C4BPA: variants seen among roughly 807,000 people sequenced by gnomAD.
C4BPA encodes the protein complement component 4 binding protein alpha, also known as C4b-binding protein alpha chain.
Under a neutral mutation model 63.7 loss-of-function variants are expected in C4BPA, and 31 were observed. The observed-to-expected ratio is 0.49, with a 90% CI of 0.37 to 0.66. C4BPA has a LOEUF of 0.66. Ranked by LOEUF, C4BPA falls within the 30% of genes least tolerant of loss-of-function variation. The pLI is 0.00. For synonymous variants in C4BPA, 259 were observed against 254.7 expected, an observed-to-expected ratio of 1.02 and a Z score of -0.16; for missense variants, 572 against 723.3, an observed-to-expected ratio of 0.79 and a Z score of 2.40.
chr1:207,115,028 A>G (rs756932406), intron 3 of C4BPA, among the ~76,000 whole-genome samples: 8 of 152,212 alleles, frequency 5.3e-5, no homozygotes, highest in Non-Finnish European at 8.8e-5. Flanking sequence ...ATGTTTTCCA[A>G]TAGCAGGGGT....
At position 207,124,290 on chromosome 1, in the gene C4BPA, G is replaced by A. The variant is rs1684985144; in HGVS notation, c.630G>A (p.Leu210=). 5.0e-6 allele frequency: 8 copies of A among 1,613,800 alleles called. No individual in the cohort carries two copies. The East Asian group carries it at 1.6e-4, about 31-fold the overall frequency. Residue 210 remains leucine, a synonymous_variant, in exon 6 of 12, where the codon TTG becomes TTA. Coordinates refer to ENST00000367070, the MANE Select transcript of C4BPA (RefSeq NM_000715.4). ...GCTGTGACCCCCGCTTCTCACTCTT[G>A]GGCCATGCCTCCATTTCTTGCACTG... ...TYSCDPRFSL[L]GHASISCTVE... is the part of the protein sequence containing the mutation.
chr1:207,127,649 C>T (rs981299663), intron 7 of C4BPA, among the ~76,000 whole-genome samples: 2 of 152,190 alleles, frequency 1.3e-5, no homozygotes, highest in Non-Finnish European at 2.9e-5. Context: ...AACCTCTCTC[C>T]TGAAGAGGTA....
At chr1:207,105,598 G>A (rs747197873) in intron 1 of C4BPA, among the ~76,000 whole-genome samples, 1 of 151,302 alleles carries the variant, frequency 6.6e-6, no homozygotes, top group Non-Finnish European at 1.5e-5. Flanking sequence ...ATTCTAGGAA[G>A]GGTGGGGAAA....
intron 2 of C4BPA, among the ~76,000 whole-genome samples, chr1:207,113,710 A>G (rs1349154428): frequency 6.6e-6 from 1 of 152,186 alleles, no homozygotes; most frequent in Non-Finnish European, 1.5e-5. Flanking sequence ...GAATACAATA[A>G]TATGTTTCTG....
chr1:207,115,930 T>C (rs2102333436), intron 4 of C4BPA, among the ~76,000 whole-genome samples: 1 of 152,350 alleles, frequency 6.6e-6, no homozygotes, highest in East Asian at 1.9e-4. Context: ...TTGCCGTCCT[T>C]GTGATGGATC....
chr1:207,139,824 C>A (rs996933964), intron 9 of C4BPA, among the ~76,000 whole-genome samples: 4 of 152,184 alleles, frequency 2.6e-5, no homozygotes, highest in Admixed American at 6.5e-5. Context: ...TCACTCCTGG[C>A]AACTGGCTTC....
intron 1 of C4BPA, among the ~76,000 whole-genome samples, chr1:207,108,792 G>A (rs373254908): frequency 7.2e-4 from 109 of 152,054 alleles, no homozygotes; most frequent in African/African-American, 2.3e-3. Context: ...GTGTGATCTC[G>A]GATCACTGTA....
At chr1:207,122,378 A>G (rs1558090947) in intron 4 of C4BPA, among the ~76,000 whole-genome samples, 1 of 152,152 alleles carries the variant, frequency 6.6e-6, no homozygotes, top group Non-Finnish European at 1.5e-5. Flanking sequence ...AGTGAATACT[A>G]CTGATCTGAA....
chr1:207,142,505 A>G (rs1033912252), intron 10 of C4BPA, among the ~76,000 whole-genome samples: 3 of 152,142 alleles, frequency 2.0e-5, no homozygotes, highest in African/African-American at 4.8e-5. Context: ...ACTGTTTTCC[A>G]CAATGGTTGA....
At chr1:207,125,147 C>T (rs1445352635) in intron 6 of C4BPA, among the ~76,000 whole-genome samples, 1 of 152,138 alleles carries the variant, frequency 6.6e-6, no homozygotes, top group Non-Finnish European at 1.5e-5. Context: ...ACGAGGGGCA[C>T]AAAAGAGCAG....
Position 207,114,209 on chromosome 1 carries a change from C to G in C4BPA, c.252C>G (p.Gly84=). 1 of 1,613,764 alleles carries G rather than the reference C, an allele frequency of 6.2e-7. No individual in the cohort carries two copies. Among genetic ancestry groups the G allele is most frequent in the Non-Finnish European group, 8.5e-7 (1 of 1,179,732 alleles). Reference sequence around the variant, plus strand: ...CTCTGAAATACACCTGCCTCCCTGGCTACGTCAGATCCCATTCAACTCAGA... The same window carrying G: ...CTCTGAAATACACCTGCCTCCCTGGGTACGTCAGATCCCATTCAACTCAGA... ...GTTLKYTCLP[G]YVRSHSTQTL... The change falls in exon 3 of 12, where the codon GGC becomes GGG. Residue 84 remains glycine (G), a synonymous_variant. Coordinates refer to ENST00000367070, the MANE Select transcript of C4BPA (RefSeq NM_000715.4).
rs1684878401 is a variant in C4BPA at position 207,119,355 on chromosome 1, A to G, written c.428+3840A>G. 2.2e-5 allele frequency among the ~76,000 whole-genome samples: 2 copies of G among 92,720 alleles called. 1 individual carries two copies. The allele number at this position is 92,720 out of a possible 152,430, so 60.8% of individuals were successfully genotyped here. A position where few individuals can be genotyped will look rare whatever the true frequency, so the allele number is the denominator to read the frequency against. ...ATGGAGTATGGCTCTACTAATTCAC[A>G]TCTACCGTCTTTTATGGGCCATACT... On this transcript the variant is annotated intron_variant, in intron 4 of 11. Coordinates refer to ENST00000367070, the MANE Select transcript of C4BPA (RefSeq NM_000715.4).
chr1:207,120,255 C>A (rs573545813), intron 4 of C4BPA, among the ~76,000 whole-genome samples: 3 of 152,132 alleles, frequency 2.0e-5, no homozygotes, highest in Admixed American at 6.5e-5. Flanking sequence ...ATACAGGATG[C>A]CCAGTTAAAT....
chr1:207,134,353 G>A (rs372203187), intron 8 of C4BPA, 51 bp from the exon 9 acceptor site: 1 of 1,348,396 alleles, frequency 7.4e-7, no homozygotes, highest in Non-Finnish European at 1.0e-6. Flanking sequence ...AGCCATAGAA[G>A]CTTCCTCATG....
intron 6 of C4BPA, among the ~76,000 whole-genome samples, chr1:207,126,334 G>T (rs1332385420): frequency 6.8e-6 from 1 of 146,784 alleles, no homozygotes; most frequent in Non-Finnish European, 1.5e-5. Flanking sequence ...TATTCTATAA[G>T]ACTATATTAT....
intron 6 of C4BPA, 47 bp downstream of exon 6, chr1:207,124,413 G>C (rs1206162842): frequency 1.4e-6 from 2 of 1,415,286 alleles, no homozygotes; most frequent in Non-Finnish European, 2.0e-6. Flanking sequence ...GCTCTCTTTT[G>C]TTTAAAAGAG....
At chr1:207,117,102 C>T (rs1684814483) in intron 4 of C4BPA, among the ~76,000 whole-genome samples, 1 of 152,034 alleles carries the variant, frequency 6.6e-6, no homozygotes, top group Non-Finnish European at 1.5e-5. Flanking sequence ...ATTTATTTTT[C>T]TATAAGAACT....
At chr1:207,127,065 T>G in intron 7 of C4BPA, 170 bp downstream of exon 7, 1 of 557,168 alleles carries the variant, frequency 1.8e-6, no homozygotes, top group Non-Finnish European at 3.1e-6. Context: ...ATGATTTTAG[T>G]GCACTCTGCA....
At chr1:207,139,754 T>A (rs1383696223) in intron 9 of C4BPA, among the ~76,000 whole-genome samples, 1 of 152,200 alleles carries the variant, frequency 6.6e-6, no homozygotes, top group African/African-American at 2.4e-5. Flanking sequence ...TAAACATAGG[T>A]CCTCTTGGAG....
Sources: gnomAD v4.1 joint callset for allele counts (sites outside exome capture counted in the v4.1 genomes callset) on GRCh38, gnomAD v4.1.1 for gene constraint, MANE v1.5 for transcripts, NCBI Gene and HGNC (gene_info 2026-07-23, HGNC 2026-07-21) for gene names.